CREB5: variants seen among roughly 807,000 people sequenced by gnomAD.
The protein encoded by CREB5 is cAMP responsive element binding protein 5, also known as cyclic AMP-responsive element-binding protein 5.
Under a neutral mutation model 57.1 loss-of-function variants are expected in CREB5, and 19 were observed. The ratio of observed to expected loss-of-function variants is 0.33; its 90% CI spans 0.23 to 0.49. CREB5 has a LOEUF of 0.49. Among genes scored for constraint, CREB5 ranks in the 20% least tolerant of loss-of-function variants. CREB5 has a pLI of 0.99. For synonymous variants in CREB5, 238 were observed against 238.3 expected, an observed-to-expected ratio of 1.00 and a Z score of 0.01; for missense variants, 579 against 671.6, an observed-to-expected ratio of 0.86 and a Z score of 1.52.
At chr7:28,764,902 A>C (rs1805879612) in intron 7 of CREB5, among the ~76,000 whole-genome samples, 1 of 152,182 alleles carries the variant, frequency 6.6e-6, no homozygotes, top group Non-Finnish European at 1.5e-5. Context: ...TATCTTTAGT[A>C]ACTTCAGTGT....
chr7:28,410,953 C>A (rs761395272), upstream of CREB5, among the ~76,000 whole-genome samples: 2 of 152,126 alleles, frequency 1.3e-5, no homozygotes, highest in African/African-American at 4.8e-5. Flanking sequence ...CCCGTCTACA[C>A]CGTTATCACT....
chr7:28,613,594 A>G (rs1290038047), intron 5 of CREB5, among the ~76,000 whole-genome samples: 1 of 151,938 alleles, frequency 6.6e-6, no homozygotes, highest in Non-Finnish European at 1.5e-5. Context: ...CTCTGGGACT[A>G]CTCCTTCTGC....
At chr7:28,781,153 A>C (rs971452050) in intron 7 of CREB5, among the ~76,000 whole-genome samples, 4 of 152,184 alleles carry the variant, frequency 2.6e-5, no homozygotes, top group Non-Finnish European at 5.9e-5. Flanking sequence ...AGCAACAGAC[A>C]CTCTGGAGGA....
At chr7:28,683,360 G>C (rs1800696675) in intron 5 of CREB5, among the ~76,000 whole-genome samples, 1 of 152,160 alleles carries the variant, frequency 6.6e-6, no homozygotes, top group Admixed American at 6.5e-5. Flanking sequence ...GATTTGGAAG[G>C]GGCAGGAGGG....
intron 8 of CREB5, among the ~76,000 whole-genome samples, chr7:28,804,956 C>G (rs1443909072): frequency 1.3e-5 from 2 of 152,130 alleles, no homozygotes; most frequent in African/African-American, 4.8e-5. Flanking sequence ...ATTTTGTCAC[C>G]TGTAAAATGG....
At chr7:28,648,785 TTATTACTAAAA>T (rs1448921428) in intron 5 of CREB5, among the ~76,000 whole-genome samples, 1 of 152,108 alleles carries the variant, frequency 6.6e-6, no homozygotes, top group Non-Finnish European at 1.5e-5. Context: ...GCTATTAAAT[TTATTACTAAAA>T]TATTACTGAG....
At chr7:28,453,303 G>A (rs1463672737) in intron 1 of CREB5, among the ~76,000 whole-genome samples, 1 of 152,098 alleles carries the variant, frequency 6.6e-6, no homozygotes, top group Non-Finnish European at 1.5e-5. Context: ...GCTGGGCATG[G>A]TGGCACACGC....
chr7:28,686,413 G>T (rs972416574), intron 5 of CREB5, among the ~76,000 whole-genome samples: 1 of 149,684 alleles, frequency 6.7e-6, no homozygotes, highest in Non-Finnish European at 1.5e-5. Context: ...TTTTCACTTC[G>T]ATCAGAGTTT....
At chr7:28,341,785 A>G (rs1785942410) in intron 1 of CREB5, among the ~76,000 whole-genome samples, 1 of 152,226 alleles carries the variant, frequency 6.6e-6, no homozygotes, top group Non-Finnish European at 1.5e-5. Flanking sequence ...GCCCTTGCTC[A>G]TTTATCACTT....
intron 1 of CREB5, among the ~76,000 whole-genome samples, chr7:28,440,769 C>A (rs1448806041): frequency 2.0e-5 from 3 of 152,150 alleles, no homozygotes; most frequent in Non-Finnish European, 4.4e-5. Flanking sequence ...CAACTGCACA[C>A]AAGACAGGGT....
chr7:28,445,125 C>T (rs1359401879), intron 1 of CREB5, among the ~76,000 whole-genome samples: 2 of 152,210 alleles, frequency 1.3e-5, no homozygotes, highest in East Asian at 1.9e-4. Flanking sequence ...CACATACTCT[C>T]TTGTAAGACG....
intron 1 of CREB5, among the ~76,000 whole-genome samples, chr7:28,336,684 A>G (rs1356132381): frequency 1.3e-5 from 2 of 151,920 alleles, no homozygotes; most frequent in Non-Finnish European, 1.5e-5. Context: ...CTTTATTACA[A>G]ATTCATTTAT....
chr7:28,364,069 A>G (rs1786538933), intron 1 of CREB5, among the ~76,000 whole-genome samples: 1 of 152,188 alleles, frequency 6.6e-6, no homozygotes, highest in African/African-American at 2.4e-5. Flanking sequence ...CATTTACCTA[A>G]TTGCTTATTT....
At chr7:28,803,939 A>C (rs576901624) in intron 7 of CREB5, among the ~76,000 whole-genome samples, 1 of 152,050 alleles carries the variant, frequency 6.6e-6, no homozygotes, top group Non-Finnish European at 1.5e-5. Context: ...TCTTGATAGG[A>C]TATCCTGCCC....
chr7:28,817,546 T>C (rs979515603), intron 9 of CREB5, among the ~76,000 whole-genome samples: 8 of 152,368 alleles, frequency 5.3e-5, no homozygotes, highest in Non-Finnish European at 7.3e-5. Context: ...CTGCCCAATG[T>C]GCGCCTCATA....
intron 4 of CREB5, among the ~76,000 whole-genome samples, chr7:28,560,869 C>CGCGTGCGTGCGT (rs1369015394): frequency 0.12 from 3,553 of 28,470 alleles, 624 homozygotes; most frequent in African/African-American, 0.18. Flanking sequence ...CGTGTGCCTG[C>CGCGTGCGTGCGT]GTGCGCGTGC....
intron 1 of CREB5, among the ~76,000 whole-genome samples, chr7:28,437,296 G>C (rs1210583562): frequency 6.6e-6 from 1 of 152,176 alleles, no homozygotes; most frequent in Admixed American, 6.5e-5. Context: ...CTGAGGTTTA[G>C]AGAAGCTGAG....
intron 5 of CREB5, among the ~76,000 whole-genome samples, chr7:28,600,125 T>A (rs1356107813): frequency 6.6e-6 from 1 of 152,082 alleles, no homozygotes; most frequent in African/African-American, 2.4e-5. Context: ...CCCCCACCCT[T>A]TACATACCTG....
In CREB5 at chr7:28,560,979, TGC is replaced by T. The variant is rs1329236450; in HGVS notation, c.292-9384_292-9383del. ...GTGTGTGCGTGTGTGTGTGCGTGTGTGCGTGCGTGTGTGTGCCTGCGTGTGCG... is the reference window on the plus strand; with the variant it reads ...GTGTGTGCGTGTGTGTGTGCGTGTGTGTGCGTGTGTGTGCCTGCGTGTGCG... On this transcript the variant is annotated intron_variant, in intron 4 of 10. Transcript: ENST00000357727. 1.5e-3 allele frequency among the ~76,000 whole-genome samples: 87 copies of T among 59,816 alleles called. 6 individuals are homozygous for T. The highest frequency in any genetic ancestry group is 3.8e-3 in the African/African-American group (70 of 18,382). 39.2% of individuals were successfully genotyped at this position (59,816 alleles called of 152,430 possible).
Sources: gnomAD v4.1 joint callset for allele counts (sites outside exome capture counted in the v4.1 genomes callset) on GRCh38, gnomAD v4.1.1 for gene constraint, MANE v1.5 for transcripts, NCBI Gene and HGNC (gene_info 2026-07-23, HGNC 2026-07-21) for gene names.